MARCHF1: variants seen among roughly 807,000 people sequenced by gnomAD.
The protein encoded by MARCHF1 is E3 ubiquitin-protein ligase MARCHF1.
MARCHF1 carries 40 observed loss-of-function variants against 54.2 expected under a neutral mutation model. The observed-to-expected ratio is 0.74, with a 90% CI of 0.57 to 0.96. The LOEUF (loss-of-function observed/expected upper bound fraction) is 0.96, where lower values mean the gene tolerates loss of function less well. MARCHF1 is among the 40% of genes least tolerant of loss of function. The pLI is 0.00. For missense variants in MARCHF1, 586 were observed against 656.5 expected, an observed-to-expected ratio of 0.89 and a Z score of 1.17; for synonymous variants, 236 against 236.3, an observed-to-expected ratio of 1.00 and a Z score of 0.01.
At chr4:163,573,584 T>C (rs1739922247) in intron 8 of MARCHF1, among the ~76,000 whole-genome samples, 1 of 151,326 alleles carries the variant, frequency 6.6e-6, no homozygotes. Flanking sequence ...GTTCTTGTGA[T>C]AGTTTACTGA....
At chr4:164,205,325 A>T (rs766645685) in intron 1 of MARCHF1, among the ~76,000 whole-genome samples, 2 of 152,234 alleles carry the variant, frequency 1.3e-5, no homozygotes, top group Non-Finnish European at 2.9e-5. Context: ...TTTATAAAAC[A>T]TAATAGTATA....
chr4:163,830,129 C>T (rs1306260978), intron 4 of MARCHF1, among the ~76,000 whole-genome samples: 1 of 152,084 alleles, frequency 6.6e-6, no homozygotes, highest in Admixed American at 6.5e-5. Context: ...TTACATTTAG[C>T]TTTATTCTCT....
intron 2 of MARCHF1, among the ~76,000 whole-genome samples, chr4:164,101,169 A>T (rs62350001): frequency 3.9e-5 from 6 of 152,026 alleles, no homozygotes; most frequent in Admixed American, 3.9e-4. Context: ...ACTGCAAGGC[A>T]GCAGCGAGGC....
chr4:164,205,333 A>G (rs1055784200), intron 1 of MARCHF1, among the ~76,000 whole-genome samples: 1 of 152,222 alleles, frequency 6.6e-6, no homozygotes, highest in Non-Finnish European at 1.5e-5. Flanking sequence ...ACATAATAGT[A>G]TAGGCACTAT....
At chr4:164,220,667 CTATATGTATATATGTAA>C (rs1560959951) in intron 1 of MARCHF1, among the ~76,000 whole-genome samples, 103 of 134,262 alleles carry the variant, frequency 7.7e-4, no homozygotes, top group African/African-American at 9.8e-4. Context: ...AATATATATG[CTATATGTATATATGTAA>C]TATATATGCT....
chr4:163,986,588 C>T (rs1292457028), intron 3 of MARCHF1, among the ~76,000 whole-genome samples: 1 of 152,042 alleles, frequency 6.6e-6, no homozygotes, highest in African/African-American at 2.4e-5. Flanking sequence ...TTTAAGAGTG[C>T]CCACTAACTC....
At position 164,098,911 on chromosome 4, in the gene MARCHF1, T is replaced by C. The variant is rs1755473759; in HGVS notation, c.-248+12677A>G. Among the ~76,000 whole-genome samples the C allele has an allele frequency of 2.0e-5, 3 of 152,200 alleles. No individual in the cohort carries two copies. The South Asian group carries it at 6.2e-4, about 31-fold the overall frequency. On this transcript the variant is annotated intron_variant, in intron 2 of 9. Transcript: ENST00000514618. ...ATTTAGAAAAGGGCCATGTAAGTGG[T>C]CCAATTTTTCTCCCGTTGGCTCTAA...
At chr4:163,603,889 G>C (rs1166906812) in intron 7 of MARCHF1, among the ~76,000 whole-genome samples, 4 of 151,618 alleles carry the variant, frequency 2.6e-5, no homozygotes, top group African/African-American at 9.7e-5. Flanking sequence ...ATCTTCAAAG[G>C]CTCTCTGTTT....
chr4:163,623,782 C>A (rs1046459116), intron 5 of MARCHF1, among the ~76,000 whole-genome samples: 4 of 152,178 alleles, frequency 2.6e-5, no homozygotes, highest in African/African-American at 9.7e-5. Context: ...ATTCTTGTCT[C>A]ATTTTCCCTA....
intron 4 of MARCHF1, among the ~76,000 whole-genome samples, chr4:163,720,669 G>A (rs1248473036): frequency 6.6e-6 from 1 of 152,188 alleles, no homozygotes; most frequent in African/African-American, 2.4e-5. Context: ...AACATGGAAT[G>A]TTCTTTCATT....
chr4:163,578,088 A>G (rs966933000), intron 8 of MARCHF1, among the ~76,000 whole-genome samples: 1 of 151,852 alleles, frequency 6.6e-6, no homozygotes, highest in African/African-American at 2.4e-5. Flanking sequence ...TATGCTTTCC[A>G]TATAGATCAT....
intron 4 of MARCHF1, among the ~76,000 whole-genome samples, chr4:163,783,286 T>C (rs1404099403): frequency 6.6e-6 from 1 of 152,242 alleles, no homozygotes; most frequent in Non-Finnish European, 1.5e-5. Context: ...GCAATATTTC[T>C]GACTATCAAG....
intron 4 of MARCHF1, among the ~76,000 whole-genome samples, chr4:163,771,333 C>G (rs938186207): frequency 1.3e-5 from 2 of 152,134 alleles, no homozygotes; most frequent in African/African-American, 4.8e-5. Flanking sequence ...GTTGAGAAAG[C>G]GGCTTTTCTA....
At chr4:163,883,136 A>C (rs1172301294) in intron 3 of MARCHF1, among the ~76,000 whole-genome samples, 1 of 152,096 alleles carries the variant, frequency 6.6e-6, no homozygotes, top group Non-Finnish European at 1.5e-5. Context: ...TCCCTTTGTT[A>C]ACATTTGTTC....
At chr4:164,188,109 G>A (rs992978593) in intron 1 of MARCHF1, among the ~76,000 whole-genome samples, 2 of 152,138 alleles carry the variant, frequency 1.3e-5, no homozygotes, top group Non-Finnish European at 2.9e-5. Context: ...AGCCGAGGGC[G>A]ACATAGAGAA....
chr4:163,848,467 C>T (rs532971491), intron 4 of MARCHF1, among the ~76,000 whole-genome samples: 155 of 152,194 alleles, frequency 1.0e-3, no homozygotes, highest in African/African-American at 3.6e-3. Flanking sequence ...TTTTAATCTT[C>T]TTGTTTTGAC....
chr4:163,942,249 A>G (rs954733046), intron 3 of MARCHF1, among the ~76,000 whole-genome samples: 1 of 152,228 alleles, frequency 6.6e-6, no homozygotes, highest in African/African-American at 2.4e-5. Context: ...TTATTCTCAA[A>G]GTACACCAGG....
Position 163,612,805 on chromosome 4 carries a change from G to T in MARCHF1, c.476C>A (p.Ser159Tyr), listed in dbSNP as rs1430775497. The part of the protein sequence containing the change: ...SPRWRELYTD[S>Y]SDSSSTDESH... ...CTCATCTGTGGAAGATGAATCTGAAGAATCTGTGTAAAGCTCCCTCCACCT... is the reference window on the plus strand; with the variant it reads ...CTCATCTGTGGAAGATGAATCTGAATAATCTGTGTAAAGCTCCCTCCACCT... The change falls in exon 7 of 10, where the codon TCT becomes TAT. Residue 159 changes from serine to tyrosine, a missense_variant. Ser to Tyr is a moderately radical substitution (Grantham distance 144). Transcript: ENST00000514618. 1.3e-6 allele frequency: 2 copies of T among 1,535,228 alleles called. No individual in the cohort carries two copies. The highest frequency in any genetic ancestry group is 1.7e-6 in the Non-Finnish European group (2 of 1,146,502).
chr4:163,983,695 T>G (rs1752805682), intron 3 of MARCHF1, among the ~76,000 whole-genome samples: 1 of 152,208 alleles, frequency 6.6e-6, no homozygotes, highest in Admixed American at 6.5e-5. Flanking sequence ...TAACTAGTTG[T>G]GTGACATTGG....
Sources: allele counts gnomAD v4.1 joint callset (sites outside exome capture counted in the v4.1 genomes callset), GRCh38; gene constraint gnomAD v4.1.1; transcripts MANE v1.5; gene names NCBI Gene and HGNC (gene_info 2026-07-23, HGNC 2026-07-21).